Variants in TTR observed in about 807,000 individuals in gnomAD.
The protein encoded by TTR is transthyretin.
TTR carries 8 observed loss-of-function variants against 13.7 expected under a neutral mutation model. The observed-to-expected ratio is 0.58, with a 90% CI of 0.34 to 1.05. The LOEUF (loss-of-function observed/expected upper bound fraction) is 1.05. TTR is among the 50% of genes least tolerant of loss of function. The pLI is 0.02. For missense variants in TTR, 135 were observed against 185.5 expected (o/e 0.73, Z 1.58); for synonymous variants, 75 against 71.7 (o/e 1.05, Z -0.23).
intron 3 of TTR, among the ~76,000 whole-genome samples, chr18:31,596,490 G>A (rs2073517240): frequency 6.6e-6 from 1 of 152,086 alleles, no homozygotes; most frequent in Non-Finnish European, 1.5e-5. Flanking sequence ...TAGAGTCTCA[G>A]CCCCTACCCT....
intron 3 of TTR, chr18:31,595,619 A>G (rs1174696257): frequency 2.7e-6 from 1 of 372,014 alleles, no homozygotes; most frequent in African/African-American, 2.1e-5. Context: ...TATTTCTCGA[A>G]AACCCGTAAC....
At chr18:31,597,419 C>T (rs957471023) in intron 3 of TTR, 1 of 152,184 alleles carries the variant, frequency 6.6e-6, no homozygotes, top group African/African-American at 2.4e-5. Context: ...AGGTCAATGT[C>T]ACCATAAGAC....
At chr18:31,595,988 A>T (rs1249779624) in intron 3 of TTR, 1 of 157,670 alleles carries the variant, frequency 6.3e-6, no homozygotes, top group African/African-American at 2.4e-5. Context: ...TATGCCTCGC[A>T]TTATGCCCCA....
intron 2 of TTR, among the ~76,000 whole-genome samples, chr18:31,594,592 G>A (rs916371262): frequency 7.9e-5 from 12 of 152,196 alleles, no homozygotes; most frequent in Admixed American, 1.3e-4. Context: ...GGCCGGGCAC[G>A]GTGGCTCACG....
intron 3 of TTR, 177 bp downstream of exon 3, chr18:31,595,432 T>C (rs2073512386): frequency 1.2e-6 from 1 of 859,668 alleles, no homozygotes; most frequent in Non-Finnish European, 1.9e-6. Flanking sequence ...GAAGCAAATT[T>C]CTTTTTGACT....
At position 31,592,895 on chromosome 18, in the gene TTR, G is replaced by A; in HGVS notation, c.70-1G>A. 2 of 1,613,842 alleles carry A rather than the reference G, an allele frequency of 1.2e-6. No individual in the cohort carries two copies. Among genetic ancestry groups the A allele is most frequent in the Non-Finnish European group, 1.7e-6 (2 of 1,179,852 alleles). On this transcript the variant is annotated splice_acceptor_variant, in intron 1 of 3. Coordinates refer to ENST00000237014, the MANE Select transcript of TTR (RefSeq NM_000371.4). LOFTEE classifies it high-confidence loss of function. The stretch of plus-strand genomic sequence containing the variant: ...TTCTCACGTGTCTTCTCTACACCCA[G>A]GGCACCGGTGAATCCAAGTGTCCTC...
chr18:31,592,986 A>C lies in TTR; in HGVS notation c.160A>C (p.Arg54=). The change falls in exon 2 of 4, where the codon AGA becomes CGA. Residue 54 remains arginine, a synonymous_variant. Transcript: ENST00000237014. ...PAINVAVHVF[R]KAADDTWEPF... ...CATCAATGTGGCCGTGCATGTGTTC[A>C]GAAAGGCTGCTGATGACACCTGGGA... is the stretch of plus-strand genomic sequence containing the variant. 6.2e-7 allele frequency: 1 copy of C among 1,614,092 alleles called. No individual in the cohort carries two copies. Among genetic ancestry groups the C allele is most frequent in the Non-Finnish European group, 8.5e-7 (1 of 1,179,962 alleles).
chr18:31,598,442 T>C, intron 3 of TTR, 126 bp from the exon 4 acceptor site: 1 of 961,322 alleles, frequency 1.0e-6, no homozygotes, highest in Non-Finnish European at 1.6e-6. Flanking sequence ...CTGTTCAAAC[T>C]GTTCCAAAAT....
chr18:31,598,430 T>C (rs1442988271), intron 3 of TTR, 138 bp from the exon 4 acceptor site: 1 of 876,538 alleles, frequency 1.1e-6, no homozygotes, highest in Non-Finnish European at 1.8e-6. Context: ...AGCTTTTTCC[T>C]TCTGTTCAAA....
intron 1 of TTR, 41 bp from the exon 2 acceptor site, chr18:31,592,855 A>T: frequency 1.9e-6 from 3 of 1,611,954 alleles, no homozygotes; most frequent in Non-Finnish European, 2.5e-6. Context: ...TTTCACTCTG[A>T]TCAATTTTGT....
chr18:31,597,503 G>A (rs1250488888), intron 3 of TTR, among the ~76,000 whole-genome samples: 2 of 152,160 alleles, frequency 1.3e-5, no homozygotes, highest in Admixed American at 1.3e-4. Flanking sequence ...AGATTCTTAG[G>A]TGATTCTCAC....
At chr18:31,597,146 G>A (rs1420296478) in intron 3 of TTR, 1 of 152,130 alleles carries the variant, frequency 6.6e-6, no homozygotes, top group African/African-American at 2.4e-5. Flanking sequence ...CCAGGTTCAA[G>A]CAATTCTCCT....
In TTR at chr18:31,593,928, T is replaced by A. The variant is rs376944586; in HGVS notation, c.200+902T>A. ...GAGAAGAATTTCTGTTGGGTTTTAA[T>A]TGAACCCCAAGAACCACATGATTCT... On this transcript the variant is annotated intron_variant, in intron 2 of 3. Transcript: ENST00000237014. Among the ~76,000 whole-genome samples, 21 of 152,358 alleles carry A rather than the reference T, an allele frequency of 1.4e-4. No homozygotes were observed. The East Asian group carries it at 2.9e-3, about 21-fold the overall frequency.
rs531198765 is a variant in TTR, at chr18:31,595,554, T to C, written c.336+299T>C. On this transcript the variant is annotated intron_variant, in intron 3 of 3. Coordinates refer to ENST00000237014, the MANE Select transcript of TTR (RefSeq NM_000371.4). ...TATCTGCTGTTGAAATAATAGTTTA[T>C]GAGGCAGCCCTCCAGACCCCACGTA... is the stretch of plus-strand genomic sequence containing the variant. The C allele has an allele frequency of 6.8e-4, 330 of 487,628 alleles. 1 individual carries two copies. Among genetic ancestry groups the C allele is most frequent in the African/African-American group, 6.0e-3 (311 of 51,588 alleles). The allele number at this position is 487,628 out of a possible 1,614,324, so 30.2% of individuals were successfully genotyped here. A position where few individuals can be genotyped will look rare whatever the true frequency, so the allele number is the denominator to read the frequency against.
rs1800458 is a variant in TTR, at chr18:31,592,902, G to T, written c.76G>T (p.Gly26Cys). 1 of 1,613,744 alleles carries T rather than the reference G, an allele frequency of 6.2e-7. No homozygotes were observed. The highest frequency in any genetic ancestry group is 1.1e-5 in the South Asian group (1 of 91,036). ...FVSEAGPTGT[G>C]ESKCPLMVKV... ...GTGTCTTCTCTACACCCAGGGCACC[G>T]GTGAATCCAAGTGTCCTCTGATGGT... The change falls in exon 2 of 4, where the codon GGT (glycine) becomes TGT (cysteine). Residue 26 changes from glycine (G) to cysteine (C), a missense_variant. By Grantham distance (159) the Gly-to-Cys change is radical. Coordinates refer to ENST00000237014, the MANE Select transcript of TTR (RefSeq NM_000371.4).
At chr18:31,594,993 G>A in intron 2 of TTR, 127 bp from the exon 3 acceptor site, 6 of 1,111,196 alleles carry the variant, frequency 5.4e-6, no homozygotes, top group Non-Finnish European at 8.0e-6. Flanking sequence ...TTCTGACTTA[G>A]TTGAGGGGAA....
intron 2 of TTR, among the ~76,000 whole-genome samples, chr18:31,594,156 A>G (rs1215909437): frequency 6.6e-6 from 1 of 152,074 alleles, no homozygotes; most frequent in Non-Finnish European, 1.5e-5. Flanking sequence ...AAAAAAAAAG[A>G]AGTGAAAAGA....
chr18:31,595,637 A>C, intron 3 of TTR: 1 of 365,792 alleles, frequency 2.7e-6, no homozygotes, highest in Non-Finnish European at 5.3e-6. Flanking sequence ...AACATTCTTC[A>C]TTCCAAAACA....
chr18:31,594,680 A>G (rs991917877), intron 2 of TTR, among the ~76,000 whole-genome samples: 1 of 152,176 alleles, frequency 6.6e-6, no homozygotes, highest in African/African-American at 2.4e-5. Flanking sequence ...CCTGGCCAAC[A>G]TGGCAAAACT....
Sources: allele counts gnomAD v4.1 joint callset (sites outside exome capture counted in the v4.1 genomes callset), GRCh38; gene constraint gnomAD v4.1.1; transcripts MANE v1.5; gene names NCBI Gene and HGNC (gene_info 2026-07-23, HGNC 2026-07-21).